The following DCLK2 variants were observed in gnomAD, a reference collection of about 807,000 sequenced individuals.
DCLK2 encodes the protein serine/threonine-protein kinase DCLK2.
In DCLK2, 31 loss-of-function variants were observed where a neutral mutation model predicts 78.4. That is an observed-to-expected ratio of 0.40 (90% confidence interval 0.30 to 0.53). The LOEUF (loss-of-function observed/expected upper bound fraction) is 0.53. Ranked by LOEUF, DCLK2 falls within the 20% of genes least tolerant of loss-of-function variation. The pLI is 0.61. For missense variants in DCLK2, 872 were observed against 973.7 expected (o/e 0.90, Z 1.39); for synonymous variants, 407 against 374.9 (o/e 1.09, Z -0.99).
chr4:150,239,454 C>T (rs1007148015), intron 10 of DCLK2, among the ~76,000 whole-genome samples: 1 of 151,990 alleles, frequency 6.6e-6, no homozygotes, highest in Admixed American at 6.6e-5. Flanking sequence ...AGAAATTAGC[C>T]TAGTGTGGTG....
At chr4:150,103,792 T>G (rs997107879) in intron 2 of DCLK2, among the ~76,000 whole-genome samples, 6 of 152,160 alleles carry the variant, frequency 3.9e-5, no homozygotes, top group African/African-American at 1.4e-4. Context: ...ATTAGCAATT[T>G]TTTAAAAATA....
intron 5 of DCLK2, among the ~76,000 whole-genome samples, chr4:150,218,306 A>G (rs1357858255): frequency 6.6e-6 from 1 of 152,146 alleles, no homozygotes; most frequent in Non-Finnish European, 1.5e-5. Context: ...GTGAAGGTTT[A>G]ATCAAATAAA....
chr4:150,180,232 T>G (rs887898307), intron 2 of DCLK2, among the ~76,000 whole-genome samples: 1 of 152,244 alleles, frequency 6.6e-6, no homozygotes, highest in African/African-American at 2.4e-5. Context: ...CACAAGTTAC[T>G]TACCCTCTTT....
intron 10 of DCLK2, among the ~76,000 whole-genome samples, chr4:150,235,026 T>C (rs1457455492): frequency 1.3e-5 from 2 of 152,204 alleles, no homozygotes; most frequent in African/African-American, 4.8e-5. Flanking sequence ...CCTTGACTGC[T>C]TCCTGCTCTC....
intron 8 of DCLK2, among the ~76,000 whole-genome samples, chr4:150,230,083 A>G (rs1364311854): frequency 2.0e-5 from 3 of 148,104 alleles, no homozygotes; most frequent in African/African-American, 7.3e-5. Context: ...AGGTTGAGAA[A>G]GGCTAACAGC....
intron 5 of DCLK2, among the ~76,000 whole-genome samples, chr4:150,204,257 A>G (rs915480812): frequency 2.6e-5 from 4 of 152,204 alleles, no homozygotes; most frequent in African/African-American, 9.6e-5. Flanking sequence ...GTTTCGAGTC[A>G]TGACTTTAAT....
At chr4:150,175,513 A>C (rs1737017064) in intron 2 of DCLK2, 1 of 152,072 alleles carries the variant, frequency 6.6e-6, no homozygotes, top group Non-Finnish European at 1.5e-5. Flanking sequence ...GACTCACGAC[A>C]GACTAAGGCA....
intron 10 of DCLK2, among the ~76,000 whole-genome samples, chr4:150,236,376 C>T (rs983043790): frequency 1.3e-5 from 2 of 152,176 alleles, no homozygotes; most frequent in South Asian, 4.1e-4. Flanking sequence ...CTGGCTGGAG[C>T]CCCTGCCTGG....
intron 8 of DCLK2, among the ~76,000 whole-genome samples, chr4:150,226,179 C>T (rs1052361658): frequency 2.7e-5 from 4 of 150,708 alleles, no homozygotes; most frequent in African/African-American, 9.8e-5. Context: ...GAAAAATCTT[C>T]TCAGAACTCC....
chr4:150,117,666 G>A (rs2150176875), intron 2 of DCLK2, among the ~76,000 whole-genome samples: 1 of 152,262 alleles, frequency 6.6e-6, no homozygotes. Context: ...TGCATATAAA[G>A]CCCGTCCTGA....
intron 2 of DCLK2, among the ~76,000 whole-genome samples, chr4:150,147,645 G>A (rs549524302): frequency 7.0e-6 from 1 of 143,108 alleles, no homozygotes; most frequent in Middle Eastern, 3.3e-3. Context: ...GTCCCATTAT[G>A]TACAATTTGT....
chr4:150,222,275 C>A (rs1191165692), intron 7 of DCLK2, among the ~76,000 whole-genome samples: 1 of 152,052 alleles, frequency 6.6e-6, no homozygotes, highest in East Asian at 1.9e-4. Context: ...ATTTTGCATG[C>A]CCACAGGAAA....
rs867719384 is a variant in DCLK2, at chr4:150,079,349, C to T, written c.322C>T (p.Arg108Cys). Residue 108 changes from arginine to cysteine, a missense_variant, in exon 1 of 16, where the codon CGC becomes TGC. Physicochemically the swap from Arg to Cys is radical, Grantham distance 180. This residue lies in a region of DCLK2 where 567 missense variants were observed against 593.4 expected (regional missense o/e 0.96). Transcript: ENST00000296550. ...SFDALLIELT[R>C]SLSDNVNLPQ... ...CGATGCGCTCCTCATAGAGCTCACC[C>T]GCTCCCTGTCGGACAACGTGAACCT... The T allele has an allele frequency of 6.3e-7, 1 of 1,587,142 alleles. No homozygotes were observed. Among genetic ancestry groups the T allele is most frequent in the Non-Finnish European group, 8.6e-7 (1 of 1,166,826 alleles).
intron 2 of DCLK2, among the ~76,000 whole-genome samples, chr4:150,112,697 A>T (rs1731775719): frequency 6.7e-6 from 1 of 149,270 alleles, no homozygotes; most frequent in Non-Finnish European, 1.5e-5. Context: ...AGATGCTCAT[A>T]TTTTTTTTTA....
chr4:150,169,919 C>T (rs1315761187), intron 2 of DCLK2, among the ~76,000 whole-genome samples: 1 of 152,182 alleles, frequency 6.6e-6, no homozygotes, highest in Non-Finnish European at 1.5e-5. Flanking sequence ...AAATACAGAA[C>T]AGCCGCAGGC....
chr4:150,117,549 T>A (rs1318311848), intron 2 of DCLK2, among the ~76,000 whole-genome samples: 1 of 152,168 alleles, frequency 6.6e-6, no homozygotes, highest in African/African-American at 2.4e-5. Flanking sequence ...GTTAGGAGCT[T>A]CTCTCAACCT....
Position 150,079,377 on chromosome 4 carries a change from C to T in DCLK2, c.350C>T (p.Pro117Leu), listed in dbSNP as rs753513344. ...TCCCTGTCGGACAACGTGAACCTGC[C>T]CCAGGGTGTCCGCACTATCTACACC... ...TRSLSDNVNL[P>L]QGVRTIYTID... The change falls in exon 1 of 16, where the codon CCC (proline) becomes CTC (leucine). Residue 117 changes from proline to leucine, a missense_variant. Physicochemically the swap from Pro to Leu is moderately conservative, Grantham distance 98. Around this residue, in one of 3 missense-constraint regions of DCLK2, gnomAD observed 567 missense variants for 593.4 expected, o/e 0.96. Coordinates refer to ENST00000296550, the MANE Select transcript of DCLK2 (RefSeq NM_001040260.4). 1.3e-5 allele frequency: 20 copies of T among 1,588,734 alleles called. No individual in the cohort carries two copies. The Admixed American group carries it at 3.5e-4, about 28-fold the overall frequency.
rs370511063 is a variant in DCLK2, at chr4:150,118,048, AACTGGCGATGGAGCT to A, written c.756+15238_756+15252del. On this transcript the variant is annotated intron_variant, in intron 2 of 15. Transcript: ENST00000296550. Reference sequence around the variant, plus strand: ...TTCAAGTACCTATTCAGAATTACACAACTGGCGATGGAGCTAGGATTCATCCCCAGGAAGTGTGAT... The same window carrying A: ...TTCAAGTACCTATTCAGAATTACACAAGGATTCATCCCCAGGAAGTGTGAT... 6.7e-3 allele frequency among the ~76,000 whole-genome samples: 1,017 copies of A among 152,196 alleles called. 9 individuals carry two copies. Among genetic ancestry groups the A allele is most frequent in the African/African-American group, 0.021 (876 of 41,520 alleles).
intron 2 of DCLK2, among the ~76,000 whole-genome samples, chr4:150,168,542 G>T (rs1736274617): frequency 6.6e-6 from 1 of 152,106 alleles, no homozygotes; most frequent in South Asian, 2.1e-4. Context: ...TCTTTCTTCT[G>T]AGGAGGTAAG....
Sources: allele counts gnomAD v4.1 joint callset (sites outside exome capture counted in the v4.1 genomes callset), GRCh38; gene constraint gnomAD v4.1.1; regional missense constraint gnomAD v4.1.1; transcripts MANE v1.5; gene names NCBI Gene and HGNC (gene_info 2026-07-23, HGNC 2026-07-21).